Variants in LGSN observed in about 807,000 individuals in gnomAD.
LGSN encodes lengsin, lens protein with glutamine synthetase domain.
Under a neutral mutation model 19.5 loss-of-function variants are expected in LGSN, and 21 were observed. That is an observed-to-expected ratio of 1.07 (90% CI 0.76 to 1.55). The LOEUF (loss-of-function observed/expected upper bound fraction) is 1.55. LGSN is among the 40% of genes most tolerant of loss of function. The pLI, the probability that LGSN is intolerant of heterozygous loss-of-function variation, is 0.00. For synonymous variants in LGSN, 257 were observed against 215.6 expected (o/e 1.19, Z -1.68); for missense variants, 673 against 608.5 (o/e 1.11, Z -1.12).
the LGSN span, among the ~76,000 whole-genome samples, chr6:63,473,892 C>A: frequency 2.0e-5 from 3 of 148,372 alleles, no homozygotes; most frequent in African/African-American, 7.5e-5. Context: ...ACATCATAAT[C>A]ATTTAAAAAG....
At chr6:63,551,359 C>T in the LGSN span, among the ~76,000 whole-genome samples, 1 of 152,130 alleles carries the variant, frequency 6.6e-6, no homozygotes, top group South Asian at 2.1e-4. Context: ...AGCCACTGCA[C>T]CCAGCCGCTG....
the LGSN span, among the ~76,000 whole-genome samples, chr6:63,417,425 C>T: frequency 1.3e-5 from 2 of 152,182 alleles, no homozygotes; most frequent in Admixed American, 1.3e-4. Flanking sequence ...TCTCTTTATT[C>T]TCTCAGTCCT....
chr6:63,493,056 G>A, the LGSN span, among the ~76,000 whole-genome samples: 6 of 152,116 alleles, frequency 3.9e-5, no homozygotes, highest in East Asian at 1.2e-3. Context: ...ATGTCTTATT[G>A]CCCCCTCTTT....
At chr6:63,386,554 T>C in the LGSN span, among the ~76,000 whole-genome samples, 20 of 152,316 alleles carry the variant, frequency 1.3e-4, no homozygotes, top group African/African-American at 4.1e-4. Context: ...TTGATTTCTG[T>C]ATTCCTAGTC....
At chr6:63,401,485 A>G in the LGSN span, among the ~76,000 whole-genome samples, 1 of 152,236 alleles carries the variant, frequency 6.6e-6, no homozygotes, top group Non-Finnish European at 1.5e-5. Flanking sequence ...CAAGGTTATA[A>G]CCATCACAAG....
chr6:63,480,962 T>G, the LGSN span, among the ~76,000 whole-genome samples: 6,508 of 39,620 alleles, frequency 0.16, 834 homozygotes, highest in African/African-American at 0.31. Context: ...TATATATATA[T>G]ATATATATAT....
chr6:63,514,366 T>C, the LGSN span, among the ~76,000 whole-genome samples: 1,492 of 152,342 alleles, frequency 9.8e-3, 9 homozygotes, highest in South Asian at 0.033. Context: ...CAGCTGGGAC[T>C]ACAGCCATGC....
At chr6:63,331,683 T>C in the LGSN span, among the ~76,000 whole-genome samples, 1 of 151,996 alleles carries the variant, frequency 6.6e-6, no homozygotes, top group East Asian at 1.9e-4. Context: ...ACCCTGCTGA[T>C]CGGAATAGCT....
chr6:63,451,713 A>G, the LGSN span, among the ~76,000 whole-genome samples: 3 of 152,182 alleles, frequency 2.0e-5, no homozygotes, highest in South Asian at 2.1e-4. Context: ...AAGTTTACCT[A>G]TGTAACAAAC....
the LGSN span, among the ~76,000 whole-genome samples, chr6:63,390,038 G>C: frequency 6.9e-6 from 1 of 145,640 alleles, no homozygotes; most frequent in African/African-American, 2.5e-5. Flanking sequence ...AAAATGAAGA[G>C]AAAAGACTCT....
At chr6:63,439,366 T>A in the LGSN span, among the ~76,000 whole-genome samples, 1 of 151,710 alleles carries the variant, frequency 6.6e-6, no homozygotes, top group Non-Finnish European at 1.5e-5. Flanking sequence ...AATAATACAA[T>A]TAAAAATAAT....
the LGSN span, among the ~76,000 whole-genome samples, chr6:63,522,862 CTTT>C: frequency 5.5e-3 from 697 of 126,354 alleles, 4 homozygotes; most frequent in African/African-American, 0.017. Context: ...GACTAAATCA[CTTT>C]TTTTTTTTTT....
chr6:63,523,362 G>C, the LGSN span, among the ~76,000 whole-genome samples: 1 of 151,918 alleles, frequency 6.6e-6, no homozygotes, highest in African/African-American at 2.4e-5. Context: ...GCAAAACCCT[G>C]TCTCTACTAG....
At chr6:63,393,677 C>T in the LGSN span, among the ~76,000 whole-genome samples, 1 of 152,184 alleles carries the variant, frequency 6.6e-6, no homozygotes, top group African/African-American at 2.4e-5. Flanking sequence ...AAATCTGGCC[C>T]ATCCACTGCT....
the LGSN span, among the ~76,000 whole-genome samples, chr6:63,412,494 G>GAAAGAAAGAAAC: frequency 1.2e-5 from 1 of 81,534 alleles, no homozygotes; most frequent in African/African-American, 6.5e-5. Context: ...AAGAAAGAAA[G>GAAAGAAAGAAAC]AAAGAAAGAA....
the LGSN span, among the ~76,000 whole-genome samples, chr6:63,410,517 T>C: frequency 6.6e-6 from 1 of 152,196 alleles, no homozygotes; most frequent in Non-Finnish European, 1.5e-5. Flanking sequence ...TATAAATATA[T>C]ATCAATGGTA....
the LGSN span, among the ~76,000 whole-genome samples, chr6:63,496,423 C>T: frequency 3.3e-5 from 5 of 151,968 alleles, no homozygotes; most frequent in South Asian, 2.1e-4. Context: ...GCATGAATGA[C>T]GGAATTATAG....
chr6:63,359,593 TC>T, the LGSN span, among the ~76,000 whole-genome samples: 80 of 152,350 alleles, frequency 5.3e-4, 1 homozygote, highest in East Asian at 7.9e-3. Context: ...TTTATCCCTT[TC>T]TTCCAGATTT....
the LGSN span, among the ~76,000 whole-genome samples, chr6:63,412,415 GAAGAAAGA>G: frequency 1.8e-3 from 193 of 107,830 alleles, 1 homozygote; most frequent in Middle Eastern, 9.2e-3. Flanking sequence ...AAGAAAGAAA[GAAGAAAGA>G]AAGAAAGAAA....
Sources: gnomAD v4.1 joint callset for allele counts (sites outside exome capture counted in the v4.1 genomes callset) on GRCh38, gnomAD v4.1.1 for gene constraint, MANE v1.5 for transcripts, NCBI Gene and HGNC (gene_info 2026-07-23, HGNC 2026-07-21) for gene names.